CHFR: variants seen among roughly 807,000 people sequenced by gnomAD.
CHFR encodes checkpoint with forkhead and ring finger domains, also known as E3 ubiquitin-protein ligase CHFR.
Under a neutral mutation model 87.6 loss-of-function variants are expected in CHFR, and 57 were observed. The observed-to-expected ratio is 0.65, with a 90% CI of 0.53 to 0.81. CHFR has a LOEUF of 0.81. Among genes scored for constraint, CHFR ranks in the 30% least tolerant of loss-of-function variants. The pLI is 0.00. For missense variants in CHFR, 797 were observed against 865.8 expected (o/e 0.92, Z 1.00); for synonymous variants, 381 against 359.2 (o/e 1.06, Z -0.69).
rs1459172597 is a variant in CHFR, at chr12:132,887,295, G to A, written c.34C>T (p.Pro12Ser). ...AGGAGCCGTCCCCAGGGCTGCGGCG[G>A]CGGCGACTGCTTGCCTTCCTCGGGC... ...ERPEEGKQSP[P>S]PQPWGRLLRL... Residue 12 changes from proline (P) to serine (S), a missense_variant, in exon 2 of 18, where the codon CCG becomes TCG. This residue lies in a region of CHFR where 597 missense variants were observed against 601.2 expected (regional missense o/e 0.99). Transcript: ENST00000450056. 9 of 1,484,152 alleles carry A rather than the reference G, an allele frequency of 6.1e-6. No homozygotes were observed. The highest frequency in any genetic ancestry group is 1.3e-5 in the South Asian group (1 of 78,728). The allele number at this position is 1,484,152 out of a possible 1,614,324, so 91.9% of individuals were successfully genotyped here.
intron 15 of CHFR, among the ~76,000 whole-genome samples, chr12:132,846,573 G>A (rs1042925071): frequency 2.6e-5 from 4 of 151,166 alleles, no homozygotes; most frequent in East Asian, 2.0e-4. Context: ...CCCGGCCCAC[G>A]CTCAACTTTC....
chr12:132,859,069 T>C lies in CHFR; in HGVS notation c.910A>G (p.Ser304Gly). ...AGCCAAGGGTGAACACGGTCGCACC[T>C]CACGCAGTCGTGCAGCAGGTCCTGG... ...ICQDLLHDCV[S>G]LQPCMHTFCA... is the part of the protein sequence containing the mutation. Residue 304 changes from serine (S) to glycine (G), a missense_variant and splice_region_variant, in exon 8 of 18, where the codon AGT becomes GGT. Physicochemically the swap from Ser to Gly is moderately conservative, Grantham distance 56 (BLOSUM62 0). Around this residue, in one of 2 missense-constraint regions of CHFR, gnomAD observed 597 missense variants for 601.2 expected, o/e 0.99. Transcript: ENST00000450056. 1 of 1,612,888 alleles carries C rather than the reference T, an allele frequency of 6.2e-7. No individual in the cohort carries two copies. The highest frequency in any genetic ancestry group is 1.1e-5 in the South Asian group (1 of 90,902).
chr12:132,878,261 G>A (rs892583763), intron 2 of CHFR, among the ~76,000 whole-genome samples: 2 of 152,152 alleles, frequency 1.3e-5, no homozygotes, highest in African/African-American at 2.4e-5. Context: ...ACGAGGTCAG[G>A]AGTTCGAGAC....
chr12:132,848,352 C>T, intron 13 of CHFR, 197 bp from the exon 14 acceptor site: 1 of 1,009,710 alleles, frequency 9.9e-7, no homozygotes, highest in South Asian at 1.4e-5. Context: ...AAAAGATCAG[C>T]TCTCCGAGTC....
At chr12:132,846,701 G>A (rs1189099043) in intron 15 of CHFR, among the ~76,000 whole-genome samples, 1 of 152,028 alleles carries the variant, frequency 6.6e-6, no homozygotes, top group African/African-American at 2.4e-5. Flanking sequence ...GCCAACATGG[G>A]GAAACCCCAT....
At chr12:132,853,602 T>G (rs574255301) in intron 10 of CHFR, 29 bp from the exon 11 acceptor site, 1 of 1,509,912 alleles carries the variant, frequency 6.6e-7, no homozygotes, top group East Asian at 2.6e-5. Flanking sequence ...CCGAGCTGTG[T>G]GCAGGCCCCA....
At chr12:132,877,148 T>C (rs1378297144) in intron 3 of CHFR, among the ~76,000 whole-genome samples, 1 of 152,120 alleles carries the variant, frequency 6.6e-6, no homozygotes, top group Non-Finnish European at 1.5e-5. Context: ...CCCACAAGAT[T>C]AAAATATCAT....
intron 10 of CHFR, chr12:132,855,069 C>CT (rs1373238321): frequency 6.6e-6 from 1 of 152,010 alleles, no homozygotes; most frequent in Non-Finnish European, 1.5e-5. Context: ...TGGTGAAACT[C>CT]TGTCTTTACT....
In CHFR at chr12:132,835,590, CAAG is replaced by C. The variant is rs1319891412; in HGVS notation, c.*5961_*5963del. On this transcript the variant is annotated 3_prime_UTR_variant, in exon 18 of 18. Transcript: ENST00000450056. Reference sequence around the variant, plus strand: ...ATGAAGAGAAGATGACGTGAGAACTCAAGGAGATGCTGCCCACGAGCCAAGGAG... The same window carrying C: ...ATGAAGAGAAGATGACGTGAGAACTCGAGATGCTGCCCACGAGCCAAGGAG... The C allele has an allele frequency of 5.6e-6, 1 of 178,774 alleles. No homozygotes were observed. The highest frequency in any genetic ancestry group is 1.2e-5 in the Non-Finnish European group (1 of 83,494). The allele number at this position is 178,774 out of a possible 1,614,324, so 11.1% of individuals were successfully genotyped here.
chr12:132,870,618 C>A, intron 5 of CHFR, 106 bp downstream of exon 5: 1 of 728,420 alleles, frequency 1.4e-6, no homozygotes, highest in Non-Finnish European at 2.4e-6. Flanking sequence ...TGAGATCGCG[C>A]CACCGCACTC....
chr12:132,863,563 C>T (rs1041635012), intron 6 of CHFR, among the ~76,000 whole-genome samples: 1 of 152,104 alleles, frequency 6.6e-6, no homozygotes, highest in African/African-American at 2.4e-5. Flanking sequence ...CTGTGTAAAG[C>T]ACAGATGCTC....
chr12:132,873,293 C>A (rs1366000244), intron 3 of CHFR, among the ~76,000 whole-genome samples: 1 of 152,208 alleles, frequency 6.6e-6, no homozygotes, highest in Non-Finnish European at 1.5e-5. Flanking sequence ...CTACTCAGCT[C>A]TGCCGTCTGT....
intron 3 of CHFR, among the ~76,000 whole-genome samples, chr12:132,873,194 G>A (rs1457448065): frequency 1.3e-5 from 2 of 152,200 alleles, no homozygotes. Flanking sequence ...ACATCCGAGT[G>A]ACCACCACGG....
chr12:132,882,700 C>T (rs1468967181), intron 2 of CHFR, among the ~76,000 whole-genome samples: 3 of 114,252 alleles, frequency 2.6e-5, no homozygotes, highest in African/African-American at 5.8e-5. Flanking sequence ...CATGCCAGAA[C>T]ATCAGGTTTT....
intron 2 of CHFR, chr12:132,883,043 TA>T (rs1339714871): frequency 6.6e-6 from 1 of 152,168 alleles, no homozygotes; most frequent in African/African-American, 2.4e-5. Context: ...TGCTTTGTGC[TA>T]AAGTTCTATT....
intron 9 of CHFR, 50 bp downstream of exon 9, chr12:132,857,355 G>A: frequency 6.3e-7 from 1 of 1,593,888 alleles, no homozygotes; most frequent in Non-Finnish European, 8.6e-7. Flanking sequence ...GGTGGTGGTG[G>A]AGGGACCGCC....
At chr12:132,844,580 G>A (rs560991371) in intron 15 of CHFR, among the ~76,000 whole-genome samples, 172 of 150,422 alleles carry the variant, frequency 1.1e-3, no homozygotes, top group Non-Finnish European at 2.0e-3. Context: ...CACTGCGCCC[G>A]GCCACCAATT....
chr12:132,848,228 G>A, intron 13 of CHFR, 73 bp from the exon 14 acceptor site: 3 of 1,606,536 alleles, frequency 1.9e-6, no homozygotes, highest in Non-Finnish European at 2.6e-6. Context: ...CCGACACTGA[G>A]GATAAACATA....
At chr12:132,863,610 G>A (rs138833456) in intron 6 of CHFR, among the ~76,000 whole-genome samples, 54 of 152,316 alleles carry the variant, frequency 3.5e-4, no homozygotes, top group Middle Eastern at 3.4e-3. Context: ...GGGTGGAGAT[G>A]GTGCTGCGTG....
Sources: gnomAD v4.1 joint callset for allele counts (sites outside exome capture counted in the v4.1 genomes callset) on GRCh38, gnomAD v4.1.1 for gene constraint, gnomAD v4.1.1 regional missense constraint, MANE v1.5 for transcripts, NCBI Gene and HGNC (gene_info 2026-07-23, HGNC 2026-07-21) for gene names.